Variants in PDE4B observed in about 807,000 individuals in gnomAD.
PDE4B encodes the protein phosphodiesterase 4B, also known as 3',5'-cyclic-AMP phosphodiesterase 4B.
In PDE4B, 20 loss-of-function variants were observed where a neutral mutation model predicts 82.2. The observed-to-expected ratio is 0.24, with a 90% CI of 0.17 to 0.35. PDE4B has a LOEUF of 0.35. Ranked by LOEUF, PDE4B falls within the 10% of genes least tolerant of loss-of-function variation. The probability of loss-of-function intolerance (pLI) is 1.00; values close to 1 mark genes in which losing one functional copy is unlikely to be tolerated. For synonymous variants in PDE4B, 320 were observed against 318.9 expected (o/e 1.00, Z -0.04); for missense variants, 655 against 907.2 (o/e 0.72, Z 3.57).
chr1:66,051,550 T>C (rs777470160), intron 3 of PDE4B, among the ~76,000 whole-genome samples: 6 of 152,250 alleles, frequency 3.9e-5, no homozygotes, highest in Middle Eastern at 3.4e-3. Context: ...GAATAATTTG[T>C]TCATGTTTGA....
intron 3 of PDE4B, among the ~76,000 whole-genome samples, chr1:66,183,163 G>A (rs1023834616): frequency 6.6e-6 from 1 of 152,056 alleles, no homozygotes; most frequent in Non-Finnish European, 1.5e-5. Flanking sequence ...AGCCTTTTGT[G>A]CTGAGTTCTA....
chr1:66,139,903 C>T (rs1027096781), intron 3 of PDE4B, among the ~76,000 whole-genome samples: 1 of 152,118 alleles, frequency 6.6e-6, no homozygotes, highest in East Asian at 1.9e-4. Flanking sequence ...ATATGTTGGA[C>T]GTTAGACCAT....
At chr1:66,322,055 A>G (rs1274280008) in intron 7 of PDE4B, among the ~76,000 whole-genome samples, 4 of 152,212 alleles carry the variant, frequency 2.6e-5, no homozygotes, top group African/African-American at 9.6e-5. Flanking sequence ...AAACTTGACA[A>G]AAACAAGCAA....
intron 3 of PDE4B, among the ~76,000 whole-genome samples, chr1:66,066,756 C>A (rs911777902): frequency 3.9e-5 from 6 of 151,916 alleles, no homozygotes; most frequent in Admixed American, 3.9e-4. Flanking sequence ...GCACATGAAG[C>A]CTATTATTTA....
At chr1:66,022,476 A>G (rs958733352) in intron 3 of PDE4B, among the ~76,000 whole-genome samples, 14 of 152,104 alleles carry the variant, frequency 9.2e-5, no homozygotes, top group African/African-American at 2.7e-4. Context: ...TTTGAGATAT[A>G]TGCCATCAGT....
chr1:65,984,129 C>A (rs552460411), intron 3 of PDE4B, among the ~76,000 whole-genome samples: 1 of 152,264 alleles, frequency 6.6e-6, no homozygotes, highest in Non-Finnish European at 1.5e-5. Flanking sequence ...TAGAGACTTA[C>A]AATGGAATGC....
At chr1:65,882,444 G>A (rs1242972807) in intron 1 of PDE4B, among the ~76,000 whole-genome samples, 1 of 152,146 alleles carries the variant, frequency 6.6e-6, no homozygotes, top group South Asian at 2.1e-4. Context: ...TCTTCTCACA[G>A]AAGTGTAAGA....
chr1:66,202,880 T>A (rs1649136523), intron 3 of PDE4B, among the ~76,000 whole-genome samples: 1 of 151,690 alleles, frequency 6.6e-6, no homozygotes, highest in South Asian at 2.1e-4. Context: ...GTGAATTTGA[T>A]CCTGTCATTA....
intron 3 of PDE4B, among the ~76,000 whole-genome samples, chr1:65,946,736 A>T (rs1009581926): frequency 1.3e-5 from 2 of 152,012 alleles, no homozygotes; most frequent in Non-Finnish European, 2.9e-5. Flanking sequence ...GATGTGGTGC[A>T]AGCAAGAGTC....
rs372811471 is a variant in PDE4B, at chr1:65,882,973, A to G, written c.-70-30272A>G. ...ACTTGGAATTTATGTCTTCATTTGAATCTTTCCTGCATCACATTATTATTT... is the reference window on the plus strand; with the variant it reads ...ACTTGGAATTTATGTCTTCATTTGAGTCTTTCCTGCATCACATTATTATTT... On this transcript the variant is annotated intron_variant, in intron 1 of 16. Transcript: ENST00000341517. 1.4e-4 allele frequency among the ~76,000 whole-genome samples: 21 copies of G among 152,278 alleles called. No individual in the cohort carries two copies. In the East Asian group the frequency reaches 3.7e-3, roughly 27 times the overall value.
At chr1:66,320,838 C>T (rs1369269653) in intron 7 of PDE4B, among the ~76,000 whole-genome samples, 1 of 152,118 alleles carries the variant, frequency 6.6e-6, no homozygotes, top group Non-Finnish European at 1.5e-5. Flanking sequence ...TTAATCCAAC[C>T]TCAGAATATT....
rs1307344939 is a variant in PDE4B, at chr1:66,144,447, T to G, written c.282-103013T>G. Among the ~76,000 whole-genome samples, 3 of 152,168 alleles carry G rather than the reference T, an allele frequency of 2.0e-5. No individual in the cohort carries two copies. In the South Asian group the frequency reaches 6.2e-4, roughly 32 times the overall value. On this transcript the variant is annotated intron_variant, in intron 3 of 16. Coordinates refer to ENST00000341517, the MANE Select transcript of PDE4B (RefSeq NM_002600.4). ...TTTATAAAAATTCCTGAAACTCTAGTAGAGAATAAATTATTTTCTTCCAGC... is the reference window on the plus strand; with the variant it reads ...TTTATAAAAATTCCTGAAACTCTAGGAGAGAATAAATTATTTTCTTCCAGC...
intron 3 of PDE4B, among the ~76,000 whole-genome samples, chr1:66,212,043 G>A (rs1023435175): frequency 6.6e-6 from 1 of 152,114 alleles, no homozygotes; most frequent in African/African-American, 2.4e-5. Flanking sequence ...ATTATTCTCT[G>A]CCCTCTTTGT....
At chr1:66,259,133 C>G (rs968698589) in intron 6 of PDE4B, among the ~76,000 whole-genome samples, 1 of 152,110 alleles carries the variant, frequency 6.6e-6, no homozygotes, top group African/African-American at 2.4e-5. Context: ...GGTAGAACTC[C>G]ATTTATTTAT....
chr1:65,855,774 C>T lies in PDE4B; in HGVS notation c.-70-57471C>T, dbSNP rs190139192. Among the ~76,000 whole-genome samples the T allele has an allele frequency of 7.2e-5, 11 of 152,180 alleles. No individual in the cohort carries two copies. In the East Asian group the frequency reaches 2.1e-3, roughly 29 times the overall value. ...GAGTCTGCTTGAAATCTGATCTTTG[C>T]GTCCTTGATTTGGTGAGGACTACTG... On this transcript the variant is annotated intron_variant, in intron 1 of 16. Transcript: ENST00000341517.
chr1:66,324,442 G>A (rs947228634), intron 7 of PDE4B, among the ~76,000 whole-genome samples: 2 of 152,102 alleles, frequency 1.3e-5, no homozygotes, highest in East Asian at 1.9e-4. Flanking sequence ...AATGGAAAAT[G>A]TATGTCATAA....
At chr1:66,028,184 C>T (rs1318178267) in intron 3 of PDE4B, among the ~76,000 whole-genome samples, 2 of 152,206 alleles carry the variant, frequency 1.3e-5, no homozygotes, top group Non-Finnish European at 2.9e-5. Flanking sequence ...TCACAAACCT[C>T]AGTTCTTGAA....
At chr1:65,931,159 G>A (rs1557440625) in intron 3 of PDE4B, among the ~76,000 whole-genome samples, 1 of 152,120 alleles carries the variant, frequency 6.6e-6, no homozygotes, top group Non-Finnish European at 1.5e-5. Flanking sequence ...CTCCACCCAT[G>A]TAAGATCTAA....
chr1:66,062,611 A>G (rs1398678669), intron 3 of PDE4B, among the ~76,000 whole-genome samples: 1 of 152,094 alleles, frequency 6.6e-6, no homozygotes, highest in African/African-American at 2.4e-5. Context: ...GCTATGAAAT[A>G]AAGTGTAAAG....
Sources: allele counts gnomAD v4.1 joint callset (sites outside exome capture counted in the v4.1 genomes callset), GRCh38; gene constraint gnomAD v4.1.1; transcripts MANE v1.5; gene names NCBI Gene and HGNC (gene_info 2026-07-23, HGNC 2026-07-21).